RANBP2: variants seen among roughly 807,000 people sequenced by gnomAD.
The protein encoded by RANBP2 is RAN binding protein 2.
RANBP2 carries 57 observed loss-of-function variants against 303.6 expected under a neutral mutation model. That is an observed-to-expected ratio of 0.19 (90% confidence interval 0.15 to 0.23). The LOEUF is 0.23. RANBP2 is among the 10% of genes least tolerant of loss of function. RANBP2 has a pLI of 1.00. For missense variants in RANBP2, 3,138 were observed against 3,780.8 expected (o/e 0.83, Z 4.46); for synonymous variants, 1,167 against 1,301.5 (o/e 0.90, Z 2.23).
the RANBP2 span, chr2:108,897,131 G>A: frequency 3.7e-6 from 6 of 1,613,898 alleles, no homozygotes; most frequent in East Asian, 4.5e-5. Flanking sequence ...GCGAGGTGGC[G>A]CCACGTTTTC....
the RANBP2 span, chr2:108,895,306 TACA>T: frequency 6.6e-6 from 1 of 152,602 alleles, no homozygotes; most frequent in Non-Finnish European, 1.5e-5. Context: ...TTGTAATTTT[TACA>T]ACCTCGCTTT....
At chr2:109,335,761 G>A in the RANBP2 span, among the ~76,000 whole-genome samples, 26 of 152,318 alleles carry the variant, frequency 1.7e-4, no homozygotes, top group African/African-American at 6.0e-4. Context: ...CACTCATTCC[G>A]ATTTGCTGAC....
the RANBP2 span, among the ~76,000 whole-genome samples, chr2:108,939,622 A>G: frequency 3.9e-5 from 6 of 152,324 alleles, no homozygotes; most frequent in African/African-American, 1.4e-4. Flanking sequence ...TAGGAAGTGC[A>G]GTCACAGTGT....
the RANBP2 span, chr2:108,910,554 G>C: frequency 6.3e-7 from 1 of 1,598,688 alleles, no homozygotes; most frequent in Non-Finnish European, 8.6e-7. Context: ...TGGGGAGGTT[G>C]GGGAGATAGG....
chr2:109,449,408 T>C, the RANBP2 span: 41 of 1,613,400 alleles, frequency 2.5e-5, no homozygotes, highest in Non-Finnish European at 3.1e-5. Flanking sequence ...ACGGGGAGGC[T>C]GGAGGGGGGC....
At chr2:109,416,860 G>A in the RANBP2 span, among the ~76,000 whole-genome samples, 3 of 150,142 alleles carry the variant, frequency 2.0e-5, no homozygotes, top group South Asian at 2.1e-4. Context: ...AGCTGAGATC[G>A]CGCCACTGCA....
At chr2:109,172,558 CCAAA>C in the RANBP2 span, among the ~76,000 whole-genome samples, 1 of 152,160 alleles carries the variant, frequency 6.6e-6, no homozygotes, top group Non-Finnish European at 1.5e-5. Flanking sequence ...TCTTGTTATT[CCAAA>C]CAGTGTGGAT....
At chr2:108,787,016 T>A, downstream of RANBP2, 2 of 708,458 alleles carry the variant, frequency 2.8e-6, no homozygotes, top group Non-Finnish European at 4.0e-6. Context: ...GCGGCTCTGG[T>A]CCCGGCCCCG....
At chr2:108,853,179 G>T in the RANBP2 span, among the ~76,000 whole-genome samples, 1 of 152,150 alleles carries the variant, frequency 6.6e-6, no homozygotes, top group African/African-American at 2.4e-5. Flanking sequence ...AACATCAACC[G>T]AGTTCTTGGA....
At chr2:109,360,622 C>A in the RANBP2 span, among the ~76,000 whole-genome samples, 13 of 152,192 alleles carry the variant, frequency 8.5e-5, no homozygotes, top group Non-Finnish European at 1.5e-5. Context: ...ATAAAAGATA[C>A]TCAGCCTGTA....
the RANBP2 span, among the ~76,000 whole-genome samples, chr2:109,296,793 A>T: frequency 2.0e-5 from 3 of 152,198 alleles, no homozygotes; most frequent in Admixed American, 6.5e-5. Flanking sequence ...GGCAGTGGTC[A>T]GCTGGGGACA....
the RANBP2 span, among the ~76,000 whole-genome samples, chr2:109,596,193 G>A: frequency 1.3e-5 from 2 of 152,118 alleles, no homozygotes; most frequent in East Asian, 1.9e-4. Flanking sequence ...CACCACACCC[G>A]GCTGAAAATC....
At chr2:109,677,258 C>T in the RANBP2 span, among the ~76,000 whole-genome samples, 1 of 152,182 alleles carries the variant, frequency 6.6e-6, no homozygotes, top group African/African-American at 2.4e-5. Flanking sequence ...CCCTTCAGAC[C>T]TGGATAGGAC....
the RANBP2 span, among the ~76,000 whole-genome samples, chr2:109,486,267 C>T: frequency 6.6e-6 from 1 of 152,156 alleles, no homozygotes; most frequent in Non-Finnish European, 1.5e-5. Context: ...ATTTCAGACC[C>T]ACAGAAGCAA....
chr2:109,138,973 G>A, the RANBP2 span, among the ~76,000 whole-genome samples: 3 of 152,238 alleles, frequency 2.0e-5, no homozygotes, highest in African/African-American at 7.2e-5. Flanking sequence ...TTGACATGTG[G>A]TAATAAGAGA....
At chr2:109,345,629 T>G in the RANBP2 span, among the ~76,000 whole-genome samples, 1 of 152,304 alleles carries the variant, frequency 6.6e-6, no homozygotes, top group East Asian at 1.9e-4. Flanking sequence ...TCAAAACTGC[T>G]CGCCTTGATG....
At chr2:108,798,282 A>G in the RANBP2 span, 1 of 702,116 alleles carries the variant, frequency 1.4e-6, no homozygotes, top group Non-Finnish European at 2.4e-6. Context: ...TTGCTATACT[A>G]GTCTAGCTAC....
Position 108,719,518 on chromosome 2 carries a change from G to C in RANBP2, c.-89G>C, listed in dbSNP as rs1694030695. On this transcript the variant is annotated 5_prime_UTR_variant, in exon 1 of 29. Transcript: ENST00000283195. ...CCGCCGGCTACGGCGCTGCGTCACT[G>C]GTTTGCAGGCGCTTTCCTCTTGGAA... is the stretch of plus-strand genomic sequence containing the variant. 5 of 1,543,208 alleles carry C rather than the reference G, an allele frequency of 3.2e-6. No individual in the cohort carries two copies. Among genetic ancestry groups the C allele is most frequent in the Admixed American group, 2.0e-5 (1 of 50,480 alleles).
chr2:109,217,899 C>G, the RANBP2 span, among the ~76,000 whole-genome samples: 2 of 152,324 alleles, frequency 1.3e-5, no homozygotes, highest in South Asian at 4.1e-4. Flanking sequence ...CACAAGGGAG[C>G]TGGCCCGGCT....
Sources: gnomAD v4.1 joint callset for allele counts (sites outside exome capture counted in the v4.1 genomes callset) on GRCh38, gnomAD v4.1.1 for gene constraint, MANE v1.5 for transcripts, NCBI Gene and HGNC (gene_info 2026-07-23, HGNC 2026-07-21) for gene names.